The following MASP1 variants were observed in gnomAD, a reference collection of about 807,000 sequenced individuals.
MASP1 encodes the protein mannan-binding lectin serine protease 1.
Under a neutral mutation model 77.1 loss-of-function variants are expected in MASP1, and 59 were observed. The observed-to-expected ratio is 0.77, with a 90% CI of 0.62 to 0.95. MASP1 has a LOEUF of 0.95. Ranked by LOEUF, MASP1 falls within the 40% of genes least tolerant of loss-of-function variation. The probability of loss-of-function intolerance (pLI) is 0.00; values close to 1 mark genes in which losing one functional copy is unlikely to be tolerated. For synonymous variants in MASP1, 362 were observed against 354.5 expected (o/e 1.02, Z -0.24); for missense variants, 885 against 912.9 (o/e 0.97, Z 0.39).
In MASP1 at chr3:187,236,577, G is replaced by C. The variant is rs775750936; in HGVS notation, c.1304-10C>G. 49 of 1,613,702 alleles carry C rather than the reference G, an allele frequency of 3.0e-5. No homozygotes were observed. The highest frequency in any genetic ancestry group is 2.5e-4 in the Admixed American group (15 of 60,010). ...GAGGGCTGACCACACTCTGTAAGGA[G>C]AAAGAGGGAGCAGGGACAAGAGACA... is the stretch of plus-strand genomic sequence containing the variant. On this transcript the variant is annotated splice_polypyrimidine_tract_variant and intron_variant, in intron 10 of 10. Transcript: ENST00000296280.
downstream of MASP1, among the ~76,000 whole-genome samples, chr3:187,230,742 T>C (rs1261159008): frequency 6.6e-6 from 1 of 152,238 alleles, no homozygotes. Context: ...ATACTTTTCA[T>C]CATTCAGCTA....
intron 2 of MASP1, among the ~76,000 whole-genome samples, chr3:187,269,902 T>G (rs1579559404): frequency 6.6e-6 from 1 of 151,664 alleles, no homozygotes; most frequent in Non-Finnish European, 1.5e-5. Context: ...ATTCTAGACA[T>G]GATTTAGATC....
chr3:187,266,603 T>C (rs1716042909), intron 2 of MASP1, among the ~76,000 whole-genome samples: 1 of 151,940 alleles, frequency 6.6e-6, no homozygotes. Flanking sequence ...GGGTAGAGTA[T>C]GTAGGGAGAG....
intron 2 of MASP1, among the ~76,000 whole-genome samples, chr3:187,273,597 G>A (rs1360314918): frequency 6.6e-6 from 1 of 152,174 alleles, no homozygotes; most frequent in Non-Finnish European, 1.5e-5. Flanking sequence ...CACCTTCACG[G>A]AAAGTCCATC....
At chr3:187,273,378 T>G (rs1402745) in intron 2 of MASP1, among the ~76,000 whole-genome samples, 1 of 152,090 alleles carries the variant, frequency 6.6e-6, no homozygotes, top group Non-Finnish European at 1.5e-5. Flanking sequence ...ATCAAAAGGG[T>G]ACTCTTAAGT....
intron 9 of MASP1, chr3:187,242,928 T>C (rs1400744535): frequency 1.7e-5 from 3 of 180,572 alleles, no homozygotes; most frequent in African/African-American, 7.2e-5. Flanking sequence ...GAGGATCCAC[T>C]CCTCGCTCCC....
At position 187,241,184 on chromosome 3, in the gene MASP1, C is replaced by T. The variant is rs113536186; in HGVS notation, c.1303+297G>A. ...GACAGGGTGCCCACTTTTTAAATTT[C>T]CCCGGCACAACAGCAGATGCACATG... On this transcript the variant is annotated intron_variant, in intron 10 of 10. Transcript: ENST00000296280. Among the ~76,000 whole-genome samples, 75 of 152,180 alleles carry T rather than the reference C, an allele frequency of 4.9e-4. No individual in the cohort carries two copies. The Middle Eastern group carries it at 0.02, about 41-fold the overall frequency.
chr3:187,286,744 GCCCTTCT>G (rs1717890380), intron 1 of MASP1, among the ~76,000 whole-genome samples: 1 of 152,190 alleles, frequency 6.6e-6, no homozygotes, highest in South Asian at 2.1e-4. Context: ...GCTGGTCAAA[GCCCTTCT>G]GGTCAGTCTG....
chr3:187,242,687 G>C (rs183405447), intron 9 of MASP1: 1 of 153,408 alleles, frequency 6.5e-6, no homozygotes, highest in East Asian at 1.9e-4. Context: ...ACAAGGCAGG[G>C]AGAGGCGGGT....
At position 187,234,558 on chromosome 3, in the gene MASP1, T is replaced by A; in HGVS notation, c.*1126A>T. 7 of 1,287,248 alleles carry A rather than the reference T, an allele frequency of 5.4e-6. No homozygotes were observed. The highest frequency in any genetic ancestry group is 7.1e-6 in the Non-Finnish European group (7 of 988,700). 79.7% of individuals were successfully genotyped at this position (1,287,248 alleles called of 1,614,324 possible). A position where few individuals can be genotyped will look rare whatever the true frequency, so the allele number is the denominator to read the frequency against. Reference sequence around the variant, plus strand: ...AGGACTCCTGGCTCTTTTCACTGCCTGCCATGGGTGAGCCTCTGATTCCTT... The same window carrying A: ...AGGACTCCTGGCTCTTTTCACTGCCAGCCATGGGTGAGCCTCTGATTCCTT... On this transcript the variant is annotated 3_prime_UTR_variant, in exon 11 of 11. Transcript: ENST00000296280.
intron 11 of MASP1, among the ~76,000 whole-genome samples, chr3:187,227,463 T>C (rs767395770): frequency 2.6e-5 from 4 of 151,992 alleles, no homozygotes; most frequent in Non-Finnish European, 5.9e-5. Flanking sequence ...GACAAGCCCA[T>C]AAGTGGCTGA....
intron 1 of MASP1, among the ~76,000 whole-genome samples, chr3:187,289,301 C>T (rs1307465764): frequency 6.6e-6 from 1 of 152,160 alleles, no homozygotes; most frequent in Non-Finnish European, 1.5e-5. Flanking sequence ...CAACCCACTC[C>T]ACACCAAGAC....
chr3:187,256,736 G>A lies in MASP1; in HGVS notation c.672C>T (p.Val224=), dbSNP rs1715114141. 1 of 1,613,876 alleles carries A rather than the reference G, an allele frequency of 6.2e-7. No individual in the cohort carries two copies. The highest frequency in any genetic ancestry group is 1.3e-5 in the African/African-American group (1 of 74,848). Residue 224 remains valine, a synonymous_variant, in exon 5 of 11, where the codon GTC becomes GTT. Coordinates refer to ENST00000296280, the MANE Select transcript of MASP1 (RefSeq NM_139125.4). ...CAAATATGTCCTCAAACTGCAGGTTGACCATGAAACCCTCCTCCAGCTCGA... is the reference window on the plus strand; with the variant it reads ...CAAATATGTCCTCAAACTGCAGGTTAACCATGAAACCCTCCTCCAGCTCGA... ...YTIELEEGFM[V]NLQFEDIFDI... is the part of the protein sequence containing the mutation.
intron 2 of MASP1, among the ~76,000 whole-genome samples, chr3:187,274,849 G>A (rs1463500212): frequency 6.6e-6 from 1 of 152,130 alleles, no homozygotes; most frequent in African/African-American, 2.4e-5. Context: ...AGGGCAGCAT[G>A]AGCAGAGGGA....
intron 8 of MASP1, chr3:187,245,112 G>T (rs923684561): frequency 1.8e-4 from 27 of 152,210 alleles, no homozygotes; most frequent in African/African-American, 6.5e-4. Context: ...ATCTCCATTT[G>T]TTTTGATGAT....
chr3:187,254,833 C>G (rs1579523329), intron 5 of MASP1, among the ~76,000 whole-genome samples: 1 of 152,104 alleles, frequency 6.6e-6, no homozygotes, highest in South Asian at 2.1e-4. Context: ...CCTGTTTTTT[C>G]CCCATCTTTG....
chr3:187,270,565 G>A (rs1716438037), intron 2 of MASP1, among the ~76,000 whole-genome samples: 1 of 152,098 alleles, frequency 6.6e-6, no homozygotes, highest in African/African-American at 2.4e-5. Flanking sequence ...ACTCAAAATA[G>A]AGCCCAATCT....
At chr3:187,229,231 C>A (rs1341764567), downstream of MASP1, among the ~76,000 whole-genome samples, 1 of 152,136 alleles carries the variant, frequency 6.6e-6, no homozygotes, top group Non-Finnish European at 1.5e-5. Flanking sequence ...CCAGTGTTAT[C>A]GAATCTGCCT....
chr3:187,254,743 T>C (rs1156787580), intron 5 of MASP1, among the ~76,000 whole-genome samples: 1 of 151,902 alleles, frequency 6.6e-6, no homozygotes, highest in African/African-American at 2.4e-5. Flanking sequence ...TTGGGGGCAG[T>C]GGGGGAGAGA....
Sources: gnomAD v4.1 joint callset for allele counts (sites outside exome capture counted in the v4.1 genomes callset) on GRCh38, gnomAD v4.1.1 for gene constraint, MANE v1.5 for transcripts, NCBI Gene and HGNC (gene_info 2026-07-23, HGNC 2026-07-21) for gene names.